The following C12orf42 variants were observed in gnomAD, a reference collection of about 807,000 sequenced individuals.
C12orf42 encodes uncharacterized protein C12orf42.
In C12orf42, 25 loss-of-function variants were observed where a neutral mutation model predicts 21.6. The ratio of observed to expected loss-of-function variants is 1.16; its 90% CI spans 0.84 to 1.62. The LOEUF is 1.62. Among genes scored for constraint, C12orf42 ranks in the 40% most tolerant of loss-of-function variants. C12orf42 has a pLI of 0.00. For synonymous variants in C12orf42, 174 were observed against 175.0 expected (o/e 0.99, Z 0.05); for missense variants, 483 against 459.3 (o/e 1.05, Z -0.47).
intron 4 of C12orf42, among the ~76,000 whole-genome samples, chr12:103,334,208 T>G (rs1374055701): frequency 1.3e-5 from 2 of 152,146 alleles, no homozygotes; most frequent in Non-Finnish European, 2.9e-5. Flanking sequence ...ACAAAAAAAT[T>G]ATAATAACCC....
At chr12:103,418,675 A>T (rs529426538) in intron 2 of C12orf42, among the ~76,000 whole-genome samples, 1 of 152,128 alleles carries the variant, frequency 6.6e-6, no homozygotes, top group East Asian at 1.9e-4. Flanking sequence ...CAAGCCCCAG[A>T]TCATGAGCAG....
At chr12:103,266,456 C>CTG (rs2035176002), downstream of C12orf42, among the ~76,000 whole-genome samples, 1 of 152,100 alleles carries the variant, frequency 6.6e-6, no homozygotes, top group South Asian at 2.1e-4. Context: ...TCTGATCAGT[C>CTG]CCCTTTTTCT....
At chr12:103,561,794 C>G in the C12orf42 span, among the ~76,000 whole-genome samples, 1 of 152,148 alleles carries the variant, frequency 6.6e-6, no homozygotes, top group Admixed American at 6.5e-5. Flanking sequence ...GTCTCACTAT[C>G]GTGTTTCCCT....
At chr12:103,329,965 T>A (rs887880720) in intron 4 of C12orf42, among the ~76,000 whole-genome samples, 2 of 152,140 alleles carry the variant, frequency 1.3e-5, no homozygotes, top group Middle Eastern at 3.2e-3. Context: ...ATTCTATTTT[T>A]CACATCATTA....
At chr12:103,085,354 A>G in the C12orf42 span, among the ~76,000 whole-genome samples, 1 of 152,074 alleles carries the variant, frequency 6.6e-6, no homozygotes, top group Non-Finnish European at 1.5e-5. Context: ...TTTTAAGGGT[A>G]GTAGCTGTCC....
intron 3 of C12orf42, among the ~76,000 whole-genome samples, chr12:103,389,245 G>T (rs1350089334): frequency 6.6e-6 from 1 of 152,184 alleles, no homozygotes; most frequent in African/African-American, 2.4e-5. Flanking sequence ...CCCCTACTCA[G>T]CAGGACTGAG....
intron 2 of C12orf42, among the ~76,000 whole-genome samples, chr12:103,475,224 C>G (rs1354519572): frequency 4.6e-5 from 7 of 152,238 alleles, no homozygotes; most frequent in Non-Finnish European, 8.8e-5. Flanking sequence ...TCTGAGCAAA[C>G]ACAACAAAGT....
intron 2 of C12orf42, among the ~76,000 whole-genome samples, chr12:103,440,130 T>C (rs374862482): frequency 2.8e-5 from 4 of 143,312 alleles, no homozygotes; most frequent in East Asian, 4.1e-4. Context: ...AAATTGGAAA[T>C]CATCATTCTC....
At chr12:103,468,686 T>G (rs545184198) in intron 2 of C12orf42, among the ~76,000 whole-genome samples, 1 of 152,124 alleles carries the variant, frequency 6.6e-6, no homozygotes, top group Non-Finnish European at 1.5e-5. Context: ...TTACAAAAGT[T>G]GTGCATAAGC....
At chr12:103,146,479 CA>C in the C12orf42 span, among the ~76,000 whole-genome samples, 122 of 22,870 alleles carry the variant, frequency 5.3e-3, no homozygotes, top group Middle Eastern at 0.021. Flanking sequence ...GACCCTGTCT[CA>C]AAAAAAAAAA....
the C12orf42 span, among the ~76,000 whole-genome samples, chr12:103,206,353 G>A: frequency 0.28 from 42,530 of 152,098 alleles, 6,999 homozygotes; most frequent in Non-Finnish European, 0.37. Context: ...TTTGCAGGAA[G>A]CTCTAAGCCA....
chr12:103,099,902 G>A, the C12orf42 span, among the ~76,000 whole-genome samples: 1 of 152,152 alleles, frequency 6.6e-6, no homozygotes, highest in African/African-American at 2.4e-5. Context: ...CTCTTGAGTA[G>A]ATAAACCTAT....
chr12:103,147,667 CAA>C, the C12orf42 span, among the ~76,000 whole-genome samples: 1 of 127,674 alleles, frequency 7.8e-6, no homozygotes, highest in African/African-American at 3.0e-5. Context: ...AACTACTACA[CAA>C]AGTTTGCTCT....
At chr12:103,255,710 C>T (rs1305526666) in intron 10 of C12orf42, among the ~76,000 whole-genome samples, 2 of 151,786 alleles carry the variant, frequency 1.3e-5, no homozygotes, top group Non-Finnish European at 2.9e-5. Flanking sequence ...TTTTCTATCC[C>T]GTTACTTCAA....
chr12:103,419,062 A>G (rs1242069686), intron 2 of C12orf42, among the ~76,000 whole-genome samples: 1 of 152,132 alleles, frequency 6.6e-6, no homozygotes. Flanking sequence ...TTAGATCTGG[A>G]TGAAAGTTAA....
At chr12:103,429,729 G>A (rs533405099) in intron 2 of C12orf42, among the ~76,000 whole-genome samples, 1 of 152,084 alleles carries the variant, frequency 6.6e-6, no homozygotes, top group East Asian at 1.9e-4. Context: ...ATACTACAAG[G>A]CTACAGTAAC....
At chr12:103,483,913 T>C (rs1320381612) in intron 1 of C12orf42, among the ~76,000 whole-genome samples, 3 of 152,200 alleles carry the variant, frequency 2.0e-5, no homozygotes, top group East Asian at 1.9e-4. Flanking sequence ...TATGCAGTGT[T>C]TGGTTTTCTG....
intron 2 of C12orf42, among the ~76,000 whole-genome samples, chr12:103,461,020 T>C (rs1952664723): frequency 6.6e-6 from 1 of 152,198 alleles, no homozygotes; most frequent in Non-Finnish European, 1.5e-5. Context: ...ATTCAGTTGA[T>C]TCTCTATGTC....
the C12orf42 span, among the ~76,000 whole-genome samples, chr12:103,136,432 C>A: frequency 6.6e-6 from 1 of 152,044 alleles, no homozygotes; most frequent in Non-Finnish European, 1.5e-5. Flanking sequence ...TTAATATCTT[C>A]CATATTAATT....
Sources: allele counts gnomAD v4.1 joint callset (sites outside exome capture counted in the v4.1 genomes callset), GRCh38; gene constraint gnomAD v4.1.1; transcripts MANE v1.5; gene names NCBI Gene and HGNC (gene_info 2026-07-23, HGNC 2026-07-21).